PHKA2: variants seen among roughly 807,000 people sequenced by gnomAD.
The protein encoded by PHKA2 is phosphorylase kinase regulatory subunit alpha 2, also known as phosphorylase b kinase regulatory subunit alpha, liver isoform.
In PHKA2, 31 loss-of-function variants were observed where a neutral mutation model predicts 102.0. The ratio of observed to expected loss-of-function variants is 0.30; its 90% confidence interval spans 0.23 to 0.41. The LOEUF is 0.41. Among genes scored for constraint, PHKA2 ranks in the 10% least tolerant of loss-of-function variants. The pLI, the probability that PHKA2 is intolerant of heterozygous loss-of-function variation, is 1.00. For missense variants in PHKA2, 858 were observed against 1,023.1 expected (o/e 0.84, Z 2.20); for synonymous variants, 455 against 416.2 (o/e 1.09, Z -1.13).
intron 1 of PHKA2, among the ~76,000 whole-genome samples, chrX:18,956,768 T>C (rs1394620498): frequency 8.9e-6 from 1 of 112,708 alleles, no homozygotes; most frequent in Admixed American, 9.4e-5. Context: ...TTGACTTGCT[T>C]CTCTTGTTAA....
At chrX:18,973,620 G>C (rs1215064048) in intron 1 of PHKA2, among the ~76,000 whole-genome samples, 1 of 111,849 alleles carries the variant, frequency 8.9e-6, no homozygotes, top group African/African-American at 3.3e-5. Context: ...CCATCTGAAA[G>C]GAGTTGAGAG....
In PHKA2 at chrX:18,892,702, G is replaced by A. The variant is rs754319995; in HGVS notation, c.*783C>T. The A allele has an allele frequency of 9.0e-6, 1 of 111,646 alleles. No individual in the cohort carries two copies. The highest frequency in any genetic ancestry group is 3.8e-4 in the South Asian group (1 of 2,640). The allele number at this position is 111,646 out of a possible 1,213,427, so 9.2% of individuals were successfully genotyped here. A position where few individuals can be genotyped will look rare whatever the true frequency, so the allele number is the denominator to read the frequency against. ...CACGCGAGCGGGGACAACAGGTCTAGCCCTAAACAACTGCTTGCCTGGCTA... is the reference window on the plus strand; with the variant it reads ...CACGCGAGCGGGGACAACAGGTCTAACCCTAAACAACTGCTTGCCTGGCTA... On this transcript the variant is annotated 3_prime_UTR_variant, in exon 33 of 33. Transcript: ENST00000379942.
intron 9 of PHKA2, 143 bp downstream of exon 9, chrX:18,939,852 C>A (rs925014582): frequency 1.1e-5 from 6 of 551,298 alleles, no homozygotes; most frequent in East Asian, 6.8e-5. Flanking sequence ...TATTGCCTGG[C>A]TCCAGGCTTG....
At chrX:18,949,771 G>T (rs916139678) in intron 4 of PHKA2, among the ~76,000 whole-genome samples, 1 of 112,347 alleles carries the variant, frequency 8.9e-6, no homozygotes, top group African/African-American at 3.2e-5. Flanking sequence ...GTTGGCAGTG[G>T]AATTTTTTTC....
At chrX:18,942,866 T>C (rs76808403) in intron 7 of PHKA2, among the ~76,000 whole-genome samples, 1 of 88,768 alleles carries the variant, frequency 1.1e-5, no homozygotes, top group Non-Finnish European at 2.2e-5. Flanking sequence ...AAAAAAAAAA[T>C]AGACTATACC....
intron 28 of PHKA2, 131 bp from the exon 29 acceptor site, chrX:18,899,357 G>A (rs2047634938): frequency 1.7e-6 from 1 of 576,233 alleles, no homozygotes; most frequent in Non-Finnish European, 2.9e-6. Flanking sequence ...CAGAGAAGGT[G>A]CCACAGCAAC....
intron 1 of PHKA2, among the ~76,000 whole-genome samples, chrX:18,979,934 T>C (rs1299935011): frequency 2.7e-5 from 3 of 111,731 alleles, no homozygotes; most frequent in African/African-American, 6.5e-5. Flanking sequence ...TGTGTCTATG[T>C]AGAAAAGGAA....
chrX:18,901,644 C>G (rs775735016), intron 26 of PHKA2, 41 bp from the exon 27 acceptor site: 1 of 907,699 alleles, frequency 1.1e-6, no homozygotes, highest in African/African-American at 2.0e-5. Flanking sequence ...AGGAACTCTA[C>G]AGCATCCAAC....
intron 1 of PHKA2, among the ~76,000 whole-genome samples, chrX:18,979,998 A>ATGCTGTTAATC (rs748158666): frequency 0.1 from 11,293 of 111,397 alleles, 1,240 homozygotes; most frequent in African/African-American, 0.33. Flanking sequence ...TTGCCTTGAG[A>ATGCTGTTAATC]TGTAACTTTA....
At chrX:18,973,992 T>A (rs970056059) in intron 1 of PHKA2, among the ~76,000 whole-genome samples, 4 of 111,424 alleles carry the variant, frequency 3.6e-5, no homozygotes, top group Non-Finnish European at 7.5e-5. Context: ...GTGCTTCATA[T>A]TTCGCTGAGA....
At chrX:18,931,806 C>A (rs1399951187) in intron 11 of PHKA2, 58 bp from the exon 12 acceptor site, 30 of 769,490 alleles carry the variant, frequency 3.9e-5, no homozygotes, top group Non-Finnish European at 5.9e-5. Context: ...GCCATGATAC[C>A]TGACCATGGG....
intron 1 of PHKA2, among the ~76,000 whole-genome samples, chrX:18,959,056 G>A (rs2048827544): frequency 8.9e-6 from 1 of 111,839 alleles, no homozygotes; most frequent in Non-Finnish European, 1.9e-5. Context: ...TACCTACAAA[G>A]AAAGACAACC....
At chrX:18,943,207 T>C (rs906838386) in intron 7 of PHKA2, among the ~76,000 whole-genome samples, 1 of 111,805 alleles carries the variant, frequency 8.9e-6, no homozygotes, top group Admixed American at 9.5e-5. Context: ...TCCTCCAATC[T>C]GTATTAGATC....
In PHKA2 at chrX:18,893,161, T is replaced by TTCCC. The variant is rs1171344293; in HGVS notation, c.*320_*323dup. On this transcript the variant is annotated 3_prime_UTR_variant, in exon 33 of 33. Coordinates refer to ENST00000379942, the MANE Select transcript of PHKA2 (RefSeq NM_000292.3). ...GAGCCAATTTAAGCTGGCGTCTCAG[T>TTCCC]TCCCTCTGCACTCAAAAGAGACCAA... 3.1e-6 allele frequency: 1 copy of TTCCC among 326,914 alleles called. No individual in the cohort carries two copies. Among genetic ancestry groups the TTCCC allele is most frequent in the African/African-American group, 2.6e-5 (1 of 37,932 alleles). The allele number at this position is 326,914 out of a possible 1,213,427, so 26.9% of individuals were successfully genotyped here. A position where few individuals can be genotyped will look rare whatever the true frequency, so the allele number is the denominator to read the frequency against.
intron 3 of PHKA2, among the ~76,000 whole-genome samples, chrX:18,952,161 C>A (rs750096836): frequency 2.8e-3 from 197 of 70,876 alleles, no homozygotes; most frequent in African/African-American, 0.011. Flanking sequence ...CCAGCCTGGG[C>A]AACATAGTGA....
At position 18,931,698 on chromosome X, in the gene PHKA2, C is replaced by T. The variant is rs1376777836; in HGVS notation, c.1188G>A (p.Gly396=). The T allele has an allele frequency of 8.3e-6, 10 of 1,205,256 alleles. No homozygotes were observed. Among genetic ancestry groups the T allele is most frequent in the African/African-American group, 1.8e-5 (1 of 57,021 alleles). The change falls in exon 12 of 33, where the codon GGG becomes GGA. Residue 396 remains glycine, a synonymous_variant. Coordinates refer to ENST00000379942, the MANE Select transcript of PHKA2 (RefSeq NM_000292.3). ...ATTGGCCCCACAGATGAGGCACCTT[C>T]CCCATAGGAACTCGGTCTACTGTGT... ...NPHTVDRVPM[G]KVPHLWGQSL... is the part of the protein sequence containing the mutation.
At chrX:18,909,068 C>T (rs2047876788) in intron 20 of PHKA2, 134 bp from the exon 21 acceptor site, 4 of 802,525 alleles carry the variant, frequency 5.0e-6, no homozygotes, top group Non-Finnish European at 7.5e-6. Context: ...ACTTTTTGTA[C>T]CTCTTTATTT....
Position 18,910,866 on chromosome X carries a change from CT to C in PHKA2, c.2226+5del. 1 of 1,135,093 alleles carries C rather than the reference CT, an allele frequency of 8.8e-7. No individual in the cohort carries two copies. The highest frequency in any genetic ancestry group is 1.2e-6 in the Non-Finnish European group (1 of 829,711). The allele number at this position is 1,135,093 out of a possible 1,213,427, so 93.5% of individuals were successfully genotyped here. ...CTTTTAAAAAAAGCTGTTCCATATACTTTACCTTTTCTAGGAGTGGCTGAGG... is the reference window on the plus strand; with the variant it reads ...CTTTTAAAAAAAGCTGTTCCATATACTTACCTTTTCTAGGAGTGGCTGAGG... On this transcript the variant is annotated splice_donor_5th_base_variant and intron_variant, in intron 20 of 32. Coordinates refer to ENST00000379942, the MANE Select transcript of PHKA2 (RefSeq NM_000292.3).
intron 19 of PHKA2, among the ~76,000 whole-genome samples, chrX:18,916,165 A>T (rs764330851): frequency 8.1e-4 from 91 of 112,441 alleles, no homozygotes; most frequent in Non-Finnish European, 1.4e-3. Context: ...CTGTAATCCC[A>T]GCACTTTGGG....
Sources: gnomAD v4.1 joint callset for allele counts (sites outside exome capture counted in the v4.1 genomes callset) on GRCh38, gnomAD v4.1.1 for gene constraint, MANE v1.5 for transcripts, NCBI Gene and HGNC (gene_info 2026-07-23, HGNC 2026-07-21) for gene names.